The following AGBL1 variants were observed in gnomAD, a reference collection of about 807,000 sequenced individuals.
AGBL1 encodes the protein AGBL carboxypeptidase 1.
A neutral mutation model predicts 118.9 loss-of-function variants in AGBL1; 130 were observed. The ratio of observed to expected loss-of-function variants is 1.09; its 90% confidence interval spans 0.95 to 1.26. The LOEUF is 1.26. Among genes scored for constraint, AGBL1 ranks in the 50% most tolerant of loss-of-function variants. The pLI is 0.00. For missense variants in AGBL1, 1,584 were observed against 1,298.1 expected (o/e 1.22, Z -3.38); for synonymous variants, 555 against 478.9 (o/e 1.16, Z -2.08).
chr15:86,767,221 A>G (rs1276185075), intron 22 of AGBL1, among the ~76,000 whole-genome samples: 11 of 151,988 alleles, frequency 7.2e-5, no homozygotes, highest in Admixed American at 7.2e-4. Flanking sequence ...CTATGGAACT[A>G]GATAGCCTAA....
At chr15:86,771,792 G>C (rs1355793783) in intron 22 of AGBL1, among the ~76,000 whole-genome samples, 1 of 151,940 alleles carries the variant, frequency 6.6e-6, no homozygotes, top group African/African-American at 2.4e-5. Context: ...TGAAACAAAG[G>C]ACCATTCTGC....
At position 86,137,597 on chromosome 15, in the gene AGBL1, T is replaced by A. The variant is rs147739010; in HGVS notation, c.52-4407T>A. On this transcript the variant is annotated intron_variant, in intron 1 of 22. Transcript: ENST00000614907. ...AGGAAATATTTTTTGTGTTTTGTTT[T>A]AAATTTTTTTTTTAACTTCTGGAGA... Among the ~76,000 whole-genome samples the A allele has an allele frequency of 1.9e-3, 293 of 152,328 alleles. 3 individuals carry two copies. The South Asian group carries it at 0.028, about 15-fold the overall frequency.
chr15:86,600,322 C>T (rs1380894417), intron 21 of AGBL1, among the ~76,000 whole-genome samples: 1 of 152,158 alleles, frequency 6.6e-6, no homozygotes, highest in Non-Finnish European at 1.5e-5. Flanking sequence ...CTCCACTGTG[C>T]ACTAAACCTT....
intron 22 of AGBL1, among the ~76,000 whole-genome samples, chr15:86,860,542 C>G (rs956670632): frequency 6.6e-6 from 1 of 151,954 alleles, no homozygotes; most frequent in South Asian, 2.1e-4. Context: ...TTCATTAGAG[C>G]CTGACTTATA....
At chr15:86,821,453 A>T (rs1376326084) in intron 22 of AGBL1, among the ~76,000 whole-genome samples, 3 of 152,242 alleles carry the variant, frequency 2.0e-5, no homozygotes, top group Non-Finnish European at 4.4e-5. Context: ...GGTCTTCGTG[A>T]AAAAACTGAA....
chr15:86,941,449 C>T (rs185153928), intron 23 of AGBL1, among the ~76,000 whole-genome samples: 183 of 152,182 alleles, frequency 1.2e-3, no homozygotes, highest in Admixed American at 4.1e-3. Context: ...GTAAACATGA[C>T]GAACAGTCAC....
chr15:86,955,004 T>C (rs1312143509), intron 23 of AGBL1, among the ~76,000 whole-genome samples: 2 of 152,150 alleles, frequency 1.3e-5, no homozygotes, highest in Non-Finnish European at 2.9e-5. Flanking sequence ...TGGTACTACA[T>C]AACTTCTCAT....
At chr15:86,946,677 G>A (rs376767817) in intron 23 of AGBL1, among the ~76,000 whole-genome samples, 39 of 151,516 alleles carry the variant, frequency 2.6e-4, no homozygotes, top group African/African-American at 9.4e-4. Context: ...GAGAAACCCC[G>A]TCTCTACTAA....
chr15:86,444,079 C>T (rs2082094659), intron 18 of AGBL1, among the ~76,000 whole-genome samples: 1 of 152,134 alleles, frequency 6.6e-6, no homozygotes, highest in African/African-American at 2.4e-5. Context: ...CAACAGTGTA[C>T]CAGCATTCCC....
intron 15 of AGBL1, among the ~76,000 whole-genome samples, chr15:86,272,376 G>A (rs895145299): frequency 2.6e-5 from 4 of 152,078 alleles, no homozygotes; most frequent in African/African-American, 9.7e-5. Context: ...AAATTTATAA[G>A]AAAATAAGGA....
chr15:86,796,023 T>G (rs770899861), intron 22 of AGBL1, among the ~76,000 whole-genome samples: 2 of 151,984 alleles, frequency 1.3e-5, no homozygotes, highest in Non-Finnish European at 2.9e-5. Flanking sequence ...TATGCAGCAG[T>G]CTTCTTACAT....
intron 18 of AGBL1, among the ~76,000 whole-genome samples, chr15:86,495,876 G>A (rs1232255390): frequency 6.6e-6 from 1 of 150,972 alleles, no homozygotes; most frequent in Admixed American, 6.6e-5. Flanking sequence ...TATCTCTGAA[G>A]GATGTTTATA....
chr15:86,246,922 T>C (rs968768072), intron 6 of AGBL1, among the ~76,000 whole-genome samples: 9 of 152,158 alleles, frequency 5.9e-5, no homozygotes, highest in Non-Finnish European at 1.3e-4. Context: ...GAAGTTCAGA[T>C]AGGAGGAATG....
intron 22 of AGBL1, among the ~76,000 whole-genome samples, chr15:86,830,985 G>C (rs552460058): frequency 1.2e-4 from 18 of 152,242 alleles, no homozygotes; most frequent in African/African-American, 4.1e-4. Context: ...CACATGGCTG[G>C]GGAGGCCCCA....
intron 22 of AGBL1, among the ~76,000 whole-genome samples, chr15:86,794,657 G>T (rs1316850251): frequency 6.6e-6 from 1 of 151,958 alleles, no homozygotes; most frequent in Non-Finnish European, 1.5e-5. Flanking sequence ...AACATGCAGG[G>T]TCTCATGTTT....
At chr15:87,001,726 G>T (rs2081439700) in intron 24 of AGBL1, among the ~76,000 whole-genome samples, 1 of 151,968 alleles carries the variant, frequency 6.6e-6, no homozygotes, top group African/African-American at 2.4e-5. Flanking sequence ...TTCTCTGATG[G>T]CCAGTGATGA....
intron 17 of AGBL1, among the ~76,000 whole-genome samples, chr15:86,384,202 G>T (rs2081151069): frequency 6.6e-6 from 1 of 152,136 alleles, no homozygotes; most frequent in South Asian, 2.1e-4. Flanking sequence ...CTGGCCTTGA[G>T]GTGTCAGGAG....
chr15:86,448,505 C>T (rs1197537483), intron 18 of AGBL1, among the ~76,000 whole-genome samples: 1 of 152,204 alleles, frequency 6.6e-6, no homozygotes, highest in East Asian at 1.9e-4. Flanking sequence ...CACCTCCCCA[C>T]CCATTGTCAG....
intron 1 of AGBL1, among the ~76,000 whole-genome samples, chr15:86,097,407 C>A (rs902639665): frequency 6.6e-6 from 1 of 152,046 alleles, no homozygotes; most frequent in East Asian, 1.9e-4. Context: ...AACACTAGAA[C>A]TTATTTTTCT....
Sources: allele counts gnomAD v4.1 joint callset (sites outside exome capture counted in the v4.1 genomes callset), GRCh38; gene constraint gnomAD v4.1.1; transcripts MANE v1.5; gene names NCBI Gene and HGNC (gene_info 2026-07-23, HGNC 2026-07-21).